FRMD4A: variants seen among roughly 807,000 people sequenced by gnomAD.
FRMD4A encodes FERM domain containing 4A.
In FRMD4A, 29 loss-of-function variants were observed where a neutral mutation model predicts 129.1. The observed-to-expected ratio is 0.22, with a 90% CI of 0.17 to 0.31. The LOEUF (loss-of-function observed/expected upper bound fraction) is 0.31. Among genes scored for constraint, FRMD4A ranks in the 10% least tolerant of loss-of-function variants. The pLI is 1.00. For missense variants in FRMD4A, 1,272 were observed against 1,375.8 expected (o/e 0.92, Z 1.19); for synonymous variants, 634 against 571.6 (o/e 1.11, Z -1.56).
At chr10:14,238,615 A>T (rs573641702) in intron 2 of FRMD4A, among the ~76,000 whole-genome samples, 6 of 152,266 alleles carry the variant, frequency 3.9e-5, no homozygotes, top group Admixed American at 3.3e-4. Flanking sequence ...TGCTGCACCC[A>T]TCAACCTGTC....
At chr10:13,781,306 T>TAAAAAAAAAAA (rs1253732948) in intron 6 of FRMD4A, among the ~76,000 whole-genome samples, 79 of 79,134 alleles carry the variant, frequency 1.0e-3, no homozygotes, top group South Asian at 2.0e-3. Flanking sequence ...TCTTAAAAAT[T>TAAAAAAAAAAA]AAAAAAAAAA....
chr10:14,138,017 G>T (rs2400038), intron 2 of FRMD4A, among the ~76,000 whole-genome samples: 75,850 of 151,742 alleles, frequency 0.5, 20,108 homozygotes, highest in East Asian at 0.77. Flanking sequence ...GAAGGCAGTT[G>T]TTAGATACAA....
chr10:14,089,546 G>C (rs1157681457), intron 2 of FRMD4A, among the ~76,000 whole-genome samples: 2 of 143,064 alleles, frequency 1.4e-5, no homozygotes, highest in African/African-American at 5.2e-5. Context: ...CTTTTGCAGT[G>C]ATTATCTCAT....
chr10:13,867,901 AAT>A (rs201708882), intron 2 of FRMD4A, among the ~76,000 whole-genome samples: 21 of 141,952 alleles, frequency 1.5e-4, no homozygotes, highest in African/African-American at 5.2e-4. Context: ...TACAATAAAT[AAT>A]ATATATAATA....
chr10:13,673,839 G>C (rs962009923), intron 16 of FRMD4A, among the ~76,000 whole-genome samples: 36 of 140,710 alleles, frequency 2.6e-4, no homozygotes, highest in African/African-American at 9.7e-4. Flanking sequence ...GCAATGGCGT[G>C]ATCACTGCTC....
chr10:13,753,541 A>ATTT (rs35813128), intron 8 of FRMD4A, among the ~76,000 whole-genome samples: 20,846 of 114,960 alleles, frequency 0.18, 2,311 homozygotes, highest in Non-Finnish European at 0.23. Context: ...GTACCTTTCT[A>ATTT]TTTTTTTTTT....
intron 2 of FRMD4A, among the ~76,000 whole-genome samples, chr10:14,043,895 C>G (rs886288500): frequency 3.5e-4 from 53 of 152,158 alleles, no homozygotes; most frequent in African/African-American, 1.3e-3. Context: ...GGTGCAATCA[C>G]AGCTCACTAT....
intron 2 of FRMD4A, among the ~76,000 whole-genome samples, chr10:14,293,578 C>T (rs2132078436): frequency 1.3e-5 from 2 of 151,630 alleles, no homozygotes; most frequent in South Asian, 4.2e-4. Flanking sequence ...ATTATCACTT[C>T]ACACTATCAG....
chr10:13,680,870 C>T (rs1211218725), intron 15 of FRMD4A, among the ~76,000 whole-genome samples: 1 of 151,954 alleles, frequency 6.6e-6, no homozygotes, highest in Non-Finnish European at 1.5e-5. Flanking sequence ...ATAGTGAGAC[C>T]CCTGCTCTAC....
chr10:13,684,528 T>C (rs1263409039), intron 15 of FRMD4A: 2 of 984,914 alleles, frequency 2.0e-6, no homozygotes, highest in African/African-American at 3.5e-5. Context: ...AAACAGCAGC[T>C]CTCCTCCCGG....
intron 2 of FRMD4A, among the ~76,000 whole-genome samples, chr10:13,940,584 G>A (rs976555793): frequency 2.0e-5 from 3 of 152,196 alleles, no homozygotes; most frequent in East Asian, 1.9e-4. Context: ...CTCAACCTCC[G>A]TGCTATGAGC....
At chr10:13,859,299 G>A (rs1459527680) in intron 2 of FRMD4A, among the ~76,000 whole-genome samples, 1 of 152,022 alleles carries the variant, frequency 6.6e-6, no homozygotes, top group Non-Finnish European at 1.5e-5. Context: ...CAGGAGAATC[G>A]CTTGAACCCA....
chr10:14,054,072 G>A (rs1299242366), intron 2 of FRMD4A, among the ~76,000 whole-genome samples: 1 of 151,930 alleles, frequency 6.6e-6, no homozygotes, highest in Non-Finnish European at 1.5e-5. Flanking sequence ...GGGTGAGGTG[G>A]GATGATTTCT....
At chr10:13,976,599 A>T (rs557361612) in intron 2 of FRMD4A, among the ~76,000 whole-genome samples, 121 of 152,286 alleles carry the variant, frequency 7.9e-4, no homozygotes, top group African/African-American at 2.7e-3. Flanking sequence ...GAATGTTTTA[A>T]GACATAATTA....
chr10:13,845,443 T>A (rs7909257), intron 3 of FRMD4A, among the ~76,000 whole-genome samples: 45,904 of 152,052 alleles, frequency 0.3, 7,057 homozygotes, highest in Non-Finnish European at 0.33. Flanking sequence ...CATGAAGCCT[T>A]GCATGAAATC....
chr10:14,258,616 A>G (rs1384300576), intron 2 of FRMD4A, among the ~76,000 whole-genome samples: 1 of 152,240 alleles, frequency 6.6e-6, no homozygotes, highest in East Asian at 1.9e-4. Context: ...GTAAAATGGT[A>G]CAGTAACATT....
chr10:13,808,904 A>C (rs576703025), intron 4 of FRMD4A, among the ~76,000 whole-genome samples: 35 of 152,226 alleles, frequency 2.3e-4, no homozygotes, highest in African/African-American at 7.9e-4. Context: ...ACTGCCCCCC[A>C]CAGAGCCTCC....
intron 2 of FRMD4A, among the ~76,000 whole-genome samples, chr10:13,995,400 C>T (rs1316660905): frequency 6.6e-6 from 1 of 152,188 alleles, no homozygotes; most frequent in African/African-American, 2.4e-5. Flanking sequence ...GCCTGGCCAA[C>T]ATAATGAAAC....
intron 16 of FRMD4A, among the ~76,000 whole-genome samples, chr10:13,672,709 T>TC (rs11387926): frequency 0.091 from 13,759 of 152,018 alleles, 1,460 homozygotes; most frequent in African/African-American, 0.25. Flanking sequence ...CCAAATGCTC[T>TC]CCCCCTCCAT....
Sources: gnomAD v4.1 joint callset for allele counts (sites outside exome capture counted in the v4.1 genomes callset) on GRCh38, gnomAD v4.1.1 for gene constraint, MANE v1.5 for transcripts, NCBI Gene and HGNC (gene_info 2026-07-23, HGNC 2026-07-21) for gene names.